Variants in MARCHF3 observed in about 807,000 individuals in gnomAD.
MARCHF3 encodes membrane associated ring-CH-type finger 3.
A neutral mutation model predicts 24.2 loss-of-function variants in MARCHF3; 13 were observed. The ratio of observed to expected loss-of-function variants is 0.54; its 90% CI spans 0.35 to 0.85. MARCHF3 has a LOEUF of 0.85. Among genes scored for constraint, MARCHF3 ranks in the 40% least tolerant of loss-of-function variants. The pLI, the probability that MARCHF3 is intolerant of heterozygous loss-of-function variation, is 0.01. For synonymous variants in MARCHF3, 144 were observed against 137.3 expected, an observed-to-expected ratio of 1.05 and a Z score of -0.34; for missense variants, 276 against 325.0, an observed-to-expected ratio of 0.85 and a Z score of 1.16.
At position 126,905,904 on chromosome 5, in the gene MARCHF3, A is replaced by G. The variant is rs1282418145; in HGVS notation, c.393+9026T>C. Among the ~76,000 whole-genome samples the G allele has an allele frequency of 9.0e-4, 137 of 152,178 alleles. 1 individual carries two copies. The highest frequency in any genetic ancestry group is 2.7e-3 in the African/African-American group (112 of 41,468). On this transcript the variant is annotated intron_variant, in intron 3 of 4. Transcript: ENST00000308660. Reference sequence around the variant, plus strand: ...TCCCTGTCTTGTGCCAGTTTTCAAAAGGAATGCTTCCAGTTTCTGCCCATT... The same window carrying G: ...TCCCTGTCTTGTGCCAGTTTTCAAAGGGAATGCTTCCAGTTTCTGCCCATT...
At chr5:126,939,498 T>C (rs545031712) in intron 1 of MARCHF3, among the ~76,000 whole-genome samples, 27 of 152,202 alleles carry the variant, frequency 1.8e-4, no homozygotes, top group Admixed American at 2.6e-4. Context: ...TGGAACACAG[T>C]ATTAGTACAT....
chr5:126,902,534 A>G (rs956666921), intron 3 of MARCHF3, among the ~76,000 whole-genome samples: 2 of 152,108 alleles, frequency 1.3e-5, no homozygotes, highest in East Asian at 3.8e-4. Context: ...TTTTATACAC[A>G]GAACTGGATT....
chr5:127,007,253 G>A (rs1371149441), intron 1 of MARCHF3, among the ~76,000 whole-genome samples: 1 of 151,162 alleles, frequency 6.6e-6, no homozygotes, highest in Non-Finnish European at 1.5e-5. Flanking sequence ...ATTTTACATA[G>A]ATGTTATTTT....
At chr5:127,020,279 C>T (rs1280305704) in intron 1 of MARCHF3, among the ~76,000 whole-genome samples, 2 of 152,192 alleles carry the variant, frequency 1.3e-5, no homozygotes, top group Admixed American at 6.5e-5. Flanking sequence ...AGATCCCAGG[C>T]ACAGGCCAGA....
intron 1 of MARCHF3, among the ~76,000 whole-genome samples, chr5:126,994,737 G>C (rs1370872260): frequency 6.6e-6 from 1 of 151,284 alleles, no homozygotes; most frequent in African/African-American, 2.4e-5. Context: ...TGACTCACAC[G>C]ACCACAAGGT....
intron 1 of MARCHF3, among the ~76,000 whole-genome samples, chr5:126,976,023 CA>C (rs916076265): frequency 3.9e-5 from 6 of 151,982 alleles, no homozygotes; most frequent in African/African-American, 1.4e-4. Context: ...GGGTGATGTG[CA>C]AAAAAGCTCC....
chr5:126,929,093 C>A (rs1220329630), intron 1 of MARCHF3, among the ~76,000 whole-genome samples: 2 of 152,118 alleles, frequency 1.3e-5, no homozygotes, highest in Non-Finnish European at 2.9e-5. Flanking sequence ...ATCGTATGTC[C>A]CTCTCAGTCA....
intron 1 of MARCHF3, among the ~76,000 whole-genome samples, chr5:126,951,020 C>T (rs1580674261): frequency 6.6e-6 from 1 of 152,176 alleles, no homozygotes; most frequent in African/African-American, 2.4e-5. Context: ...TCCCTTCTTT[C>T]TTACTCCCAT....
At chr5:126,875,583 G>C (rs1230881631) in intron 4 of MARCHF3, among the ~76,000 whole-genome samples, 1 of 152,230 alleles carries the variant, frequency 6.6e-6, no homozygotes, top group East Asian at 1.9e-4. Flanking sequence ...CTCTTGCCAG[G>C]GCCGCTCAGC....
rs576223058 is a variant in MARCHF3, at chr5:126,942,254, T to C, written c.-56-24027A>G. Among the ~76,000 whole-genome samples the C allele has an allele frequency of 6.8e-4, 104 of 152,324 alleles. 3 individuals are homozygous for C. The East Asian group carries it at 0.019, about 28-fold the overall frequency. The stretch of plus-strand genomic sequence containing the variant: ...TCTAGGTCAGGAGTCAGCAAACCTT[T>C]TCTGTAAAGGGCCAGATAGTAAATA... On this transcript the variant is annotated intron_variant, in intron 1 of 4. Coordinates refer to ENST00000308660, the MANE Select transcript of MARCHF3 (RefSeq NM_178450.5).
intron 3 of MARCHF3, among the ~76,000 whole-genome samples, chr5:126,903,763 T>G (rs975662433): frequency 1.3e-5 from 2 of 152,098 alleles, no homozygotes; most frequent in African/African-American, 4.8e-5. Context: ...CTCTGCTCCC[T>G]ATGGTACACC....
chr5:126,884,038 G>C (rs1485255444), intron 3 of MARCHF3, among the ~76,000 whole-genome samples: 1 of 152,240 alleles, frequency 6.6e-6, no homozygotes, highest in Non-Finnish European at 1.5e-5. Flanking sequence ...ACTTGGCAGA[G>C]TTATTAACCT....
rs150762403 is a variant in MARCHF3 at position 126,984,488 on chromosome 5, G to A, written c.-57+45862C>T. 8.0e-3 allele frequency among the ~76,000 whole-genome samples: 1,219 copies of A among 152,316 alleles called. 27 individuals carry two copies. Among genetic ancestry groups the A allele is most frequent in the Non-Finnish European group, 6.9e-3 (470 of 68,034 alleles). On this transcript the variant is annotated intron_variant, in intron 1 of 4. Coordinates refer to ENST00000308660, the MANE Select transcript of MARCHF3 (RefSeq NM_178450.5). ...GGGGAACCAGTAGGAAACAGGATCA[G>A]CACAGAATCCAACCTAGGCCTCAAG... is the stretch of plus-strand genomic sequence containing the variant.
At chr5:126,871,592 C>T (rs892870325) in intron 4 of MARCHF3, among the ~76,000 whole-genome samples, 2 of 152,206 alleles carry the variant, frequency 1.3e-5, no homozygotes, top group African/African-American at 4.8e-5. Flanking sequence ...ATGCCCAGCA[C>T]CTGTTACAAT....
At chr5:126,934,941 CAT>C (rs2126805967) in intron 1 of MARCHF3, among the ~76,000 whole-genome samples, 1 of 152,232 alleles carries the variant, frequency 6.6e-6, no homozygotes, top group South Asian at 2.1e-4. Flanking sequence ...ATTTGAAACT[CAT>C]GTACACATTT....
intron 3 of MARCHF3, 55 bp from the exon 4 acceptor site, chr5:126,878,449 GGAGTGGAGACACGCTGTTCTGA>G: frequency 2.0e-6 from 3 of 1,524,698 alleles, no homozygotes; most frequent in Non-Finnish European, 2.7e-6. Flanking sequence ...ATGCCAGTGT[GGAGTGGAGACACGCTGTTCTGA>G]AGTTATCTTT....
chr5:127,023,329 T>C (rs1044933733), intron 1 of MARCHF3, among the ~76,000 whole-genome samples: 13 of 152,212 alleles, frequency 8.5e-5, no homozygotes, highest in Admixed American at 2.0e-4. Context: ...TTGATCTGCT[T>C]ATATAAGTGG....
At chr5:126,956,671 A>AC (rs568848884) in intron 1 of MARCHF3, among the ~76,000 whole-genome samples, 1 of 143,234 alleles carries the variant, frequency 7.0e-6, no homozygotes, top group Non-Finnish European at 1.5e-5. Flanking sequence ...AAAAAAAAAA[A>AC]CCAAAAAAAC....
intron 3 of MARCHF3, among the ~76,000 whole-genome samples, chr5:126,903,430 A>C (rs752266554): frequency 3.9e-5 from 6 of 152,128 alleles, no homozygotes; most frequent in Non-Finnish European, 7.3e-5. Context: ...TAGAATGAAC[A>C]AAGGGGCTTG....
Sources: allele counts gnomAD v4.1 joint callset (sites outside exome capture counted in the v4.1 genomes callset), GRCh38; gene constraint gnomAD v4.1.1; transcripts MANE v1.5; gene names NCBI Gene and HGNC (gene_info 2026-07-23, HGNC 2026-07-21).